NCAM2: variants seen among roughly 807,000 people sequenced by gnomAD.
The protein encoded by NCAM2 is N-CAM-2.
NCAM2 carries 30 observed loss-of-function variants against 98.1 expected under a neutral mutation model. The ratio of observed to expected loss-of-function variants is 0.31; its 90% confidence interval spans 0.23 to 0.41. NCAM2 has a LOEUF of 0.41. Ranked by LOEUF, NCAM2 falls within the 10% of genes least tolerant of loss-of-function variation. NCAM2 has a pLI of 1.00. For synonymous variants in NCAM2, 368 were observed against 342.4 expected, an observed-to-expected ratio of 1.07 and a Z score of -0.83; for missense variants, 867 against 1,005.8, an observed-to-expected ratio of 0.86 and a Z score of 1.87.
At chr21:21,305,027 A>G (rs962323081) in intron 5 of NCAM2, among the ~76,000 whole-genome samples, 5 of 152,164 alleles carry the variant, frequency 3.3e-5, no homozygotes, top group Admixed American at 2.0e-4. Flanking sequence ...AAATGATAAT[A>G]TCACTGTGGG....
intron 5 of NCAM2, among the ~76,000 whole-genome samples, chr21:21,312,539 C>T (rs1192798819): frequency 6.6e-6 from 1 of 150,816 alleles, no homozygotes; most frequent in East Asian, 1.9e-4. Context: ...TTGCTGATAA[C>T]AGTATTGTGT....
intron 1 of NCAM2, among the ~76,000 whole-genome samples, chr21:21,158,030 G>C (rs2067667695): frequency 6.6e-6 from 1 of 152,124 alleles, no homozygotes; most frequent in Non-Finnish European, 1.5e-5. Flanking sequence ...TATTAGCCGT[G>C]TAATCTTCGG....
At chr21:21,205,946 CTTAG>C (rs957093769) in intron 1 of NCAM2, among the ~76,000 whole-genome samples, 15 of 152,072 alleles carry the variant, frequency 9.9e-5, no homozygotes, top group East Asian at 7.7e-4. Flanking sequence ...GCCCTCATAA[CTTAG>C]TTAGTTCCCA....
Position 21,476,788 on chromosome 21 carries a change from G to A in NCAM2, c.1897-503G>A, listed in dbSNP as rs1201760003. On this transcript the variant is annotated intron_variant, in intron 14 of 17. Coordinates refer to ENST00000400546, the MANE Select transcript of NCAM2 (RefSeq NM_004540.5). ...TTATTTTATGTCATAAAACATCATA[G>A]TAGTAAAAAATACCAGTGATAATAT... Among the ~76,000 whole-genome samples the A allele has an allele frequency of 2.0e-5, 3 of 151,970 alleles. No homozygotes were observed. In the South Asian group the frequency reaches 6.2e-4, roughly 32 times the overall value.
At chr21:21,258,089 C>A (rs1001077918) in intron 1 of NCAM2, among the ~76,000 whole-genome samples, 1 of 152,184 alleles carries the variant, frequency 6.6e-6, no homozygotes, top group Non-Finnish European at 1.5e-5. Flanking sequence ...AAGTTCAGGA[C>A]AGATTCACAC....
chr21:21,379,456 G>A (rs1414703253), intron 9 of NCAM2, among the ~76,000 whole-genome samples: 1 of 151,910 alleles, frequency 6.6e-6, no homozygotes, highest in African/African-American at 2.4e-5. Flanking sequence ...GTAGTATGTT[G>A]CATTTTTGTT....
intron 12 of NCAM2, among the ~76,000 whole-genome samples, chr21:21,454,869 A>T (rs2146157629): frequency 6.6e-6 from 1 of 152,092 alleles, no homozygotes; most frequent in African/African-American, 2.4e-5. Context: ...ATAAATAGAA[A>T]AAGAAATATA....
In NCAM2 at chr21:21,541,615, T is replaced by C. The variant is rs1010944983; in HGVS notation, c.*3658T>C. 2 of 151,736 alleles carry C rather than the reference T, an allele frequency of 1.3e-5. No individual in the cohort carries two copies. Among genetic ancestry groups the C allele is most frequent in the African/African-American group, 4.8e-5 (2 of 41,390 alleles). The allele number at this position is 151,736 out of a possible 1,614,324, so 9.4% of individuals were successfully genotyped here. A position where few individuals can be genotyped will look rare whatever the true frequency, so the allele number is the denominator to read the frequency against. ...GTCTTCATTATTCCATTTATATATA[T>C]TTTTTATTTCGAATAATAAATCAAC... On this transcript the variant is annotated 3_prime_UTR_variant, in exon 18 of 18. Transcript: ENST00000400546.
chr21:21,160,943 T>C (rs2067764414), intron 1 of NCAM2, among the ~76,000 whole-genome samples: 1 of 152,032 alleles, frequency 6.6e-6, no homozygotes, highest in African/African-American at 2.4e-5. Context: ...AGATTTTTCA[T>C]CCAGTCTAAA....
Position 21,209,153 on chromosome 21 carries a change from A to G in NCAM2, c.56-71425A>G, listed in dbSNP as rs552301521. ...AACTTTGAGAACATCAAATGGTAAT[A>G]GTCCCTAGGCCAGGGTCAGGAATTT... On this transcript the variant is annotated intron_variant, in intron 1 of 17. Coordinates refer to ENST00000400546, the MANE Select transcript of NCAM2 (RefSeq NM_004540.5). Among the ~76,000 whole-genome samples the G allele has an allele frequency of 2.0e-5, 3 of 152,298 alleles. No homozygotes were observed. The South Asian group carries it at 6.2e-4, about 32-fold the overall frequency.
At chr21:21,366,198 C>T (rs766668698) in intron 8 of NCAM2, among the ~76,000 whole-genome samples, 23 of 151,902 alleles carry the variant, frequency 1.5e-4, no homozygotes, top group African/African-American at 2.4e-4. Context: ...AAAGGACAAG[C>T]GCAATGACTA....
chr21:21,414,148 A>G (rs2076940130), intron 10 of NCAM2, among the ~76,000 whole-genome samples: 1 of 152,156 alleles, frequency 6.6e-6, no homozygotes, highest in African/African-American at 2.4e-5. Flanking sequence ...TTAGAGTTTT[A>G]TCATCAGATT....
chr21:21,446,952 A>G (rs886598149), intron 12 of NCAM2, among the ~76,000 whole-genome samples: 4 of 152,186 alleles, frequency 2.6e-5, no homozygotes, highest in African/African-American at 4.8e-5. Flanking sequence ...GGAAGAATCA[A>G]TATTATGAAA....
At chr21:21,257,991 A>G (rs1424267966) in intron 1 of NCAM2, among the ~76,000 whole-genome samples, 2 of 152,134 alleles carry the variant, frequency 1.3e-5, no homozygotes. Context: ...ACTGCATCAT[A>G]TTATTGTTCT....
Position 21,115,957 on chromosome 21 carries a change from T to TTGTGTGTGTGTG in NCAM2, c.55+117363_55+117374dup, listed in dbSNP as rs58824475. Among the ~76,000 whole-genome samples the TTGTGTGTGTGTG allele has an allele frequency of 1.9e-3, 278 of 147,274 alleles. 3 individuals are homozygous for TTGTGTGTGTGTG. In the South Asian group the frequency reaches 0.02, roughly 11 times the overall value. On this transcript the variant is annotated intron_variant, in intron 1 of 17. Coordinates refer to ENST00000400546, the MANE Select transcript of NCAM2 (RefSeq NM_004540.5). Reference sequence around the variant, plus strand: ...GCTTCAGGTCCGCTTCTCTGAGATTTTGTGTGTGTGTGTGTGTGTGTGTGT... The same window carrying TTGTGTGTGTGTG: ...GCTTCAGGTCCGCTTCTCTGAGATTTTGTGTGTGTGTGTGTGTGTGTGTGTGTGTGTGTGTGT...
At chr21:21,032,944 CTTTTTTTT>C (rs61400853) in intron 1 of NCAM2, among the ~76,000 whole-genome samples, 90,803 of 148,820 alleles carry the variant, frequency 0.61, 27,830 homozygotes, top group East Asian at 0.78. Context: ...TTCTTTCTTT[CTTTTTTTT>C]TTTTTTTTTG....
intron 1 of NCAM2, among the ~76,000 whole-genome samples, chr21:21,174,423 T>TCA (rs561756641): frequency 1.7e-3 from 257 of 152,264 alleles, no homozygotes; most frequent in South Asian, 3.7e-3. Context: ...AAATATTAGT[T>TCA]TTTATCTGAA....
At chr21:21,013,712 C>T (rs1018890830) in intron 1 of NCAM2, among the ~76,000 whole-genome samples, 5 of 151,134 alleles carry the variant, frequency 3.3e-5, no homozygotes, top group Admixed American at 2.6e-4. Flanking sequence ...AACCTGGAGG[C>T]GGAGGTTGCA....
At chr21:21,320,926 CT>C (rs1226448960) in intron 5 of NCAM2, among the ~76,000 whole-genome samples, 1 of 152,122 alleles carries the variant, frequency 6.6e-6, no homozygotes, top group East Asian at 1.9e-4. Flanking sequence ...ACTTTTCTAA[CT>C]TCATATAATA....
Sources: gnomAD v4.1 joint callset for allele counts (sites outside exome capture counted in the v4.1 genomes callset) on GRCh38, gnomAD v4.1.1 for gene constraint, MANE v1.5 for transcripts, NCBI Gene and HGNC (gene_info 2026-07-23, HGNC 2026-07-21) for gene names.